CRACD: variants seen among roughly 807,000 people sequenced by gnomAD.
CRACD encodes the protein capping protein-inhibiting regulator of actin dynamics.
A neutral mutation model predicts 106.8 loss-of-function variants in CRACD; 56 were observed. The ratio of observed to expected loss-of-function variants is 0.52; its 90% CI spans 0.42 to 0.66. The LOEUF is 0.66. Among genes scored for constraint, CRACD ranks in the 30% least tolerant of loss-of-function variants. CRACD has a pLI of 0.00. For missense variants in CRACD, 1,730 were observed against 1,623.2 expected (o/e 1.07, Z -1.13); for synonymous variants, 754 against 670.8 (o/e 1.12, Z -1.92).
At chr4:56,166,910 G>A (rs915458596) in intron 1 of CRACD, among the ~76,000 whole-genome samples, 1 of 151,994 alleles carries the variant, frequency 6.6e-6, no homozygotes, top group African/African-American at 2.4e-5. Flanking sequence ...ACTAAATAAA[G>A]CACCATACTC....
chr4:56,289,415 TA>T (rs1401798574), intron 3 of CRACD, among the ~76,000 whole-genome samples: 1 of 152,196 alleles, frequency 6.6e-6, no homozygotes, highest in Non-Finnish European at 1.5e-5. Flanking sequence ...TTCACACCTG[TA>T]ATCCCAGCAC....
intron 1 of CRACD, among the ~76,000 whole-genome samples, chr4:56,067,858 G>A (rs1008456895): frequency 3.4e-4 from 52 of 152,326 alleles, no homozygotes; most frequent in African/African-American, 1.2e-3. Context: ...TTACTGGTGT[G>A]AGCCACCGCG....
chr4:56,249,870 A>G (rs919660061), intron 2 of CRACD, among the ~76,000 whole-genome samples: 1 of 152,160 alleles, frequency 6.6e-6, no homozygotes, highest in African/African-American at 2.4e-5. Flanking sequence ...TTTGTATCTG[A>G]TTTATTTCCA....
At chr4:56,121,643 T>TG (rs1431665930) in intron 1 of CRACD, among the ~76,000 whole-genome samples, 1 of 149,082 alleles carries the variant, frequency 6.7e-6, no homozygotes, top group African/African-American at 2.5e-5. Context: ...GACTCTGTCT[T>TG]GAAAAAAAAA....
chr4:56,161,306 G>T (rs1735941777), intron 1 of CRACD, among the ~76,000 whole-genome samples: 1 of 151,848 alleles, frequency 6.6e-6, no homozygotes, highest in Admixed American at 6.6e-5. Flanking sequence ...TGGAAAGAAA[G>T]AACTGTTTCA....
intron 2 of CRACD, among the ~76,000 whole-genome samples, chr4:56,188,586 C>G (rs1012822126): frequency 3.3e-5 from 5 of 150,238 alleles, no homozygotes; most frequent in African/African-American, 9.8e-5. Flanking sequence ...TTTTTTCCCT[C>G]CAGACTCCTA....
intron 1 of CRACD, among the ~76,000 whole-genome samples, chr4:56,068,582 G>C (rs1304447545): frequency 6.6e-6 from 1 of 152,282 alleles, no homozygotes; most frequent in East Asian, 1.9e-4. Context: ...TACTTAGAAG[G>C]ATACTGGCAG....
chr4:56,156,584 T>G (rs1472000887), intron 1 of CRACD, among the ~76,000 whole-genome samples: 1 of 152,242 alleles, frequency 6.6e-6, no homozygotes, highest in Non-Finnish European at 1.5e-5. Flanking sequence ...GATTAATCTT[T>G]ACAACATTTT....
intron 3 of CRACD, among the ~76,000 whole-genome samples, chr4:56,277,095 G>A (rs1742717717): frequency 6.6e-6 from 1 of 152,156 alleles, no homozygotes; most frequent in Admixed American, 6.6e-5. Context: ...TTTCATGGAA[G>A]AAGGAAGATG....
chr4:56,086,223 A>G (rs1433063980), intron 1 of CRACD, among the ~76,000 whole-genome samples: 1 of 152,170 alleles, frequency 6.6e-6, no homozygotes, highest in Non-Finnish European at 1.5e-5. Flanking sequence ...CAGGAATTGC[A>G]GGGGGTCGGG....
At chr4:56,284,826 G>A (rs993809897) in intron 3 of CRACD, among the ~76,000 whole-genome samples, 5 of 152,092 alleles carry the variant, frequency 3.3e-5, no homozygotes, top group African/African-American at 4.8e-5. Flanking sequence ...TACAGTAACC[G>A]TAAGGTCAAA....
intron 2 of CRACD, among the ~76,000 whole-genome samples, chr4:56,239,279 TC>T (rs1331402631): frequency 6.6e-6 from 1 of 151,734 alleles, no homozygotes; most frequent in African/African-American, 2.4e-5. Flanking sequence ...CATGACAGGC[TC>T]AAAAAATGAT....
chr4:56,250,088 T>G (rs1280415752), intron 2 of CRACD, among the ~76,000 whole-genome samples: 3 of 152,180 alleles, frequency 2.0e-5, no homozygotes, highest in Non-Finnish European at 4.4e-5. Context: ...ACTTTCCTTC[T>G]CATTATGTAC....
chr4:56,059,951 T>C (rs532775184), intron 1 of CRACD, among the ~76,000 whole-genome samples: 7 of 152,354 alleles, frequency 4.6e-5, no homozygotes, highest in African/African-American at 1.7e-4. Context: ...CCCAAAGTGC[T>C]GGGATTACAG....
Position 56,315,782 on chromosome 4 carries a change from G to T in CRACD, c.2280G>T (p.Gln760His), listed in dbSNP as rs1359699110. The T allele has an allele frequency of 1.2e-6, 2 of 1,614,108 alleles. No homozygotes were observed. The highest frequency in any genetic ancestry group is 2.7e-5 in the African/African-American group (2 of 74,944). ...GACCCAGCGAAGAGACAGCCCCCCAGCCTCCTCCTGCTGGTGTTCGCGAGC... is the reference window on the plus strand; with the variant it reads ...GACCCAGCGAAGAGACAGCCCCCCATCCTCCTCCTGCTGGTGTTCGCGAGC... ...MLGPSEETAP[Q>H]PPPAGVRELG... Residue 760 changes from glutamine to histidine, a missense_variant, in exon 8 of 11, where the codon CAG (glutamine) becomes CAT (histidine). Gln to His is a conservative substitution (Grantham distance 24). Transcript: ENST00000682029. The surrounding 1 kb of genome is among the most constrained non-coding windows in gnomAD (Gnocchi z 4.1).
chr4:56,173,274 A>G (rs1006526658), intron 1 of CRACD, among the ~76,000 whole-genome samples: 10 of 152,196 alleles, frequency 6.6e-5, no homozygotes, highest in African/African-American at 2.4e-4. Context: ...CAAAACATGC[A>G]TTGCCTCATT....
intron 1 of CRACD, among the ~76,000 whole-genome samples, chr4:56,100,253 G>C (rs186738793): frequency 4.6e-5 from 7 of 152,076 alleles, no homozygotes; most frequent in African/African-American, 1.7e-4. Flanking sequence ...GCGGGGACGG[G>C]GGGGAAGGGG....
intron 2 of CRACD, among the ~76,000 whole-genome samples, chr4:56,209,473 A>G (rs1177186024): frequency 6.6e-6 from 1 of 152,098 alleles, no homozygotes; most frequent in Non-Finnish European, 1.5e-5. Context: ...AGTTGTTTTA[A>G]TTACATATAT....
chr4:56,320,340 C>T (rs991624004), intron 8 of CRACD, among the ~76,000 whole-genome samples: 4 of 152,070 alleles, frequency 2.6e-5, no homozygotes, highest in Non-Finnish European at 5.9e-5. Context: ...GACTATGATA[C>T]GCCTGTCCAC....
Sources: gnomAD v4.1 joint callset for allele counts (sites outside exome capture counted in the v4.1 genomes callset) on GRCh38, gnomAD v4.1.1 for gene constraint, Gnocchi (gnomAD v3.1) non-coding constraint, MANE v1.5 for transcripts, NCBI Gene and HGNC (gene_info 2026-07-23, HGNC 2026-07-21) for gene names.